The following COPS2 variants were observed in gnomAD, a reference collection of about 807,000 sequenced individuals.
The protein encoded by COPS2 is COP9 signalosome subunit 2, also known as COP9 signalosome complex subunit 2.
A neutral mutation model predicts 66.1 loss-of-function variants in COPS2; 10 were observed. The ratio of observed to expected loss-of-function variants is 0.15; its 90% CI spans 0.09 to 0.26. The LOEUF is 0.26. COPS2 is among the 10% of genes least tolerant of loss of function. The pLI is 1.00. For synonymous variants in COPS2, 179 were observed against 171.3 expected (o/e 1.04, Z -0.35); for missense variants, 215 against 513.3 (o/e 0.42, Z 5.62).
intron 3 of COPS2, among the ~76,000 whole-genome samples, chr15:49,142,467 G>A (rs1434246923): frequency 2.6e-5 from 4 of 152,264 alleles, no homozygotes; most frequent in South Asian, 2.1e-4. Context: ...CTAGTCAGAC[G>A]GGATAGAGAA....
In COPS2 at chr15:49,126,113, C is replaced by T. The variant is rs891515522; in HGVS notation, c.*1837G>A. On this transcript the variant is annotated 3_prime_UTR_variant, in exon 13 of 13. Transcript: ENST00000388901. ...GAAAAATAAATCCTAATTAATATCA[C>T]TCTTGTAAAAAAAGTTTAGCACACT... 2.6e-4 allele frequency: 39 copies of T among 152,430 alleles called. 2 individuals are homozygous for T. Among genetic ancestry groups the T allele is most frequent in the Middle Eastern group, 3.2e-3 (1 of 316 alleles). The allele number at this position is 152,430 out of a possible 1,614,324, so 9.4% of individuals were successfully genotyped here. A position where few individuals can be genotyped will look rare whatever the true frequency, so the allele number is the denominator to read the frequency against.
At chr15:49,138,308 T>A (rs1406882119) in intron 4 of COPS2, among the ~76,000 whole-genome samples, 2 of 148,544 alleles carry the variant, frequency 1.3e-5, no homozygotes, top group Non-Finnish European at 3.0e-5. Context: ...GCAGGAAAAT[T>A]TCACATTTTC....
rs1176314539 is a variant in COPS2, at chr15:49,126,384, G to A, written c.*1566C>T. ...ATTTTCGTAAAATTTTGACAAAACC[G>A]AATAAGCATGCCTTGTTTTAAGTCC... On this transcript the variant is annotated 3_prime_UTR_variant, in exon 13 of 13. Coordinates refer to ENST00000388901, the MANE Select transcript of COPS2 (RefSeq NM_004236.4). 2.0e-5 allele frequency: 3 copies of A among 152,108 alleles called. No individual in the cohort carries two copies. The highest frequency in any genetic ancestry group is 7.3e-5 in the African/African-American group (3 of 41,346). The allele number at this position is 152,108 out of a possible 1,614,324, so 9.4% of individuals were successfully genotyped here.
intron 7 of COPS2, 57 bp downstream of exon 7, chr15:49,134,283 A>G (rs1162565091): frequency 3.2e-6 from 5 of 1,550,838 alleles, no homozygotes; most frequent in Non-Finnish European, 3.5e-6. Context: ...CAAGAGTTTA[A>G]TTAAACACTT....
chr15:49,137,466 T>C (rs1411643419), intron 4 of COPS2, 29 bp from the exon 5 acceptor site: 2 of 1,516,412 alleles, frequency 1.3e-6, no homozygotes, highest in East Asian at 4.5e-5. Context: ...ATTCTATAAT[T>C]GTAAACAGCA....
chr15:49,129,579 A>G lies in COPS2; in HGVS notation c.1046-20T>C. On this transcript the variant is annotated intron_variant, in intron 10 of 12. Coordinates refer to ENST00000388901, the MANE Select transcript of COPS2 (RefSeq NM_004236.4). ...AAAGCTCTGAAAGACAAAAAATTAA[A>G]ATAACATTTTATTTAACAGTTTGTA... The G allele has an allele frequency of 7.6e-7, 1 of 1,324,082 alleles. No homozygotes were observed. The allele number at this position is 1,324,082 out of a possible 1,614,324, so 82.0% of individuals were successfully genotyped here.
rs1391098900 is a variant in COPS2 at position 49,127,832 on chromosome 15, A to G, written c.*118T>C. 1.9e-6 allele frequency: 2 copies of G among 1,075,640 alleles called. No individual in the cohort carries two copies. The highest frequency in any genetic ancestry group is 2.5e-5 in the Admixed American group (1 of 40,104). 66.6% of individuals were successfully genotyped at this position (1,075,640 alleles called of 1,614,324 possible). On this transcript the variant is annotated 3_prime_UTR_variant, in exon 13 of 13. Transcript: ENST00000388901. ...AGTTGATCAAAAAAGCACTTCTGCC[A>G]TAACTCCAATAATTTTCAGGACACA...
chr15:49,136,610 G>A (rs910696195), intron 6 of COPS2, among the ~76,000 whole-genome samples: 1 of 151,950 alleles, frequency 6.6e-6, no homozygotes, highest in African/African-American at 2.4e-5. Flanking sequence ...GTTTTCACAG[G>A]GTATATAACT....
At chr15:49,133,691 G>C (rs1190156731) in intron 9 of COPS2, 68 bp downstream of exon 9, 6 of 1,111,272 alleles carry the variant, frequency 5.4e-6, no homozygotes, top group Non-Finnish European at 7.9e-6. Flanking sequence ...GTTCTGAAAA[G>C]TTTTCTCACT....
intron 1 of COPS2, among the ~76,000 whole-genome samples, chr15:49,148,905 C>G (rs1202997734): frequency 6.6e-6 from 1 of 152,164 alleles, no homozygotes; most frequent in Non-Finnish European, 1.5e-5. Flanking sequence ...GATGCCATTA[C>G]TCAGAATAGG....
intron 9 of COPS2, among the ~76,000 whole-genome samples, chr15:49,133,144 A>G (rs1169721344): frequency 6.6e-6 from 1 of 151,880 alleles, no homozygotes; most frequent in Non-Finnish European, 1.5e-5. Context: ...GCCTGCCACC[A>G]CGCCCGGCTA....
At chr15:49,137,688 A>C in intron 4 of COPS2, 1 of 393,972 alleles carries the variant, frequency 2.5e-6, no homozygotes, top group Non-Finnish European at 4.6e-6. Context: ...TAGTGCTGTA[A>C]GTTCTCATGC....
At chr15:49,140,645 A>T (rs2084284202) in intron 3 of COPS2, among the ~76,000 whole-genome samples, 1 of 152,194 alleles carries the variant, frequency 6.6e-6, no homozygotes, top group Non-Finnish European at 1.5e-5. Flanking sequence ...TACCATTCCT[A>T]AGTATATCCT....
At chr15:49,130,872 T>G in intron 9 of COPS2, 56 bp from the exon 10 acceptor site, 3 of 934,890 alleles carry the variant, frequency 3.2e-6, no homozygotes, top group Non-Finnish European at 5.1e-6. Context: ...ATGTATTAAA[T>G]CAGATAATCC....
chr15:49,155,253 G>A lies in COPS2; in HGVS notation c.54+272C>T, dbSNP rs570563492. On this transcript the variant is annotated intron_variant, in intron 1 of 12. Coordinates refer to ENST00000388901, the MANE Select transcript of COPS2 (RefSeq NM_004236.4). ...ACAGAGAACCGAACGCCTGGGACCA[G>A]GGGCATCCGTGTAAACCGAAGAGGC... Among the ~76,000 whole-genome samples the A allele has an allele frequency of 2.6e-5, 4 of 152,384 alleles. No homozygotes were observed. In the East Asian group the frequency reaches 7.7e-4, roughly 29 times the overall value.
Position 49,124,396 on chromosome 15 carries a change from A to C in COPS2, c.*3554T>G, listed in dbSNP as rs537028758. 3 of 152,164 alleles carry C rather than the reference A, an allele frequency of 2.0e-5. No individual in the cohort carries two copies. The highest frequency in any genetic ancestry group is 1.9e-4 in the East Asian group (1 of 5,178). The allele number at this position is 152,164 out of a possible 1,614,324, so 9.4% of individuals were successfully genotyped here. On this transcript the variant is annotated 3_prime_UTR_variant, in exon 13 of 13. Transcript: ENST00000388901. ...CAAAAAAAGCAAAACAAAAACAAAA[A>C]CAAAAAAACCGTATCAAACAAATAT... is the stretch of plus-strand genomic sequence containing the variant.
chr15:49,139,433 T>C (rs1048070452), intron 4 of COPS2, 95 bp downstream of exon 4: 2 of 957,310 alleles, frequency 2.1e-6, no homozygotes, highest in African/African-American at 1.7e-5. Flanking sequence ...ACTACTTAAA[T>C]AGAAGCTCTA....
intron 9 of COPS2, among the ~76,000 whole-genome samples, chr15:49,132,350 A>T (rs1394642245): frequency 6.6e-6 from 1 of 151,930 alleles, no homozygotes; most frequent in Non-Finnish European, 1.5e-5. Context: ...CCTAAAAAAA[A>T]ACGCTTTTTT....
chr15:49,140,419 C>A (rs560857495), intron 3 of COPS2, among the ~76,000 whole-genome samples: 1 of 152,286 alleles, frequency 6.6e-6, no homozygotes, highest in South Asian at 2.1e-4. Context: ...TTTCTCCCTA[C>A]AACTGGCTGG....
Sources: gnomAD v4.1 joint callset for allele counts (sites outside exome capture counted in the v4.1 genomes callset) on GRCh38, gnomAD v4.1.1 for gene constraint, MANE v1.5 for transcripts, NCBI Gene and HGNC (gene_info 2026-07-23, HGNC 2026-07-21) for gene names.